Variants in MAP2K6 observed in about 807,000 individuals in gnomAD.
The protein encoded by MAP2K6 is mitogen-activated protein kinase kinase 6.
In MAP2K6, 16 loss-of-function variants were observed where a neutral mutation model predicts 53.7. The observed-to-expected ratio is 0.30, with a 90% CI of 0.20 to 0.45. MAP2K6 has a LOEUF of 0.45. Among genes scored for constraint, MAP2K6 ranks in the 20% least tolerant of loss-of-function variants. The pLI, the probability that MAP2K6 is intolerant of heterozygous loss-of-function variation, is 1.00. For missense variants in MAP2K6, 204 were observed against 411.9 expected, an observed-to-expected ratio of 0.50 and a Z score of 4.37; for synonymous variants, 132 against 143.1, an observed-to-expected ratio of 0.92 and a Z score of 0.55.
At chr17:69,492,500 G>T (rs373368727) in intron 1 of MAP2K6, among the ~76,000 whole-genome samples, 1 of 152,156 alleles carries the variant, frequency 6.6e-6, no homozygotes, top group South Asian at 2.1e-4. Flanking sequence ...ATTCTGTCCC[G>T]TTAAAACACC....
At chr17:69,525,880 C>G (rs528386671) in intron 9 of MAP2K6, among the ~76,000 whole-genome samples, 2 of 152,216 alleles carry the variant, frequency 1.3e-5, no homozygotes, top group African/African-American at 4.8e-5. Flanking sequence ...TCCTTAGACA[C>G]AGCCCTAAAG....
chr17:69,512,136 G>A (rs1909855543), intron 2 of MAP2K6, among the ~76,000 whole-genome samples: 1 of 151,866 alleles, frequency 6.6e-6, no homozygotes, highest in South Asian at 2.1e-4. Flanking sequence ...CTTCTCGGTG[G>A]AAGAACTGGC....
intron 1 of MAP2K6, among the ~76,000 whole-genome samples, chr17:69,455,252 G>A (rs987054378): frequency 6.6e-6 from 1 of 152,078 alleles, no homozygotes; most frequent in Non-Finnish European, 1.5e-5. Context: ...TGCAACAATA[G>A]GGATTTATTA....
intron 1 of MAP2K6, among the ~76,000 whole-genome samples, chr17:69,441,550 C>T (rs778469839): frequency 6.6e-6 from 1 of 152,260 alleles, no homozygotes; most frequent in East Asian, 1.9e-4. Context: ...TTCAAATGCT[C>T]GTTGATGGCT....
chr17:69,475,318 G>C (rs1199233112), intron 1 of MAP2K6, among the ~76,000 whole-genome samples: 2 of 149,612 alleles, frequency 1.3e-5, no homozygotes, highest in Non-Finnish European at 3.0e-5. Flanking sequence ...ACAGGCGCCC[G>C]CCAACACGCC....
intron 1 of MAP2K6, among the ~76,000 whole-genome samples, chr17:69,471,332 T>C (rs1907975132): frequency 1.3e-5 from 2 of 152,186 alleles, no homozygotes; most frequent in South Asian, 4.1e-4. Context: ...CATGGAATAC[T>C]ATACAGCCAC....
At chr17:69,526,009 C>T (rs1910750409) in intron 9 of MAP2K6, among the ~76,000 whole-genome samples, 1 of 152,130 alleles carries the variant, frequency 6.6e-6, no homozygotes, top group South Asian at 2.1e-4. Context: ...GGTCCTGGCT[C>T]CTCCCCAGGC....
rs374077753 is a variant in MAP2K6 at position 69,548,863 on chromosome 17, G to A, written c.*7110G>A. 20 of 152,266 alleles carry A rather than the reference G, an allele frequency of 1.3e-4. No individual in the cohort carries two copies. Among genetic ancestry groups the A allele is most frequent in the African/African-American group, 4.6e-4 (19 of 41,570 alleles). 9.4% of individuals were successfully genotyped at this position (152,266 alleles called of 1,614,324 possible). ...GCTTTAGTGGAAGGTAATCTTTTCA[G>A]TTTCTGACCCAGATTTCTTTTTCAA... On this transcript the variant is annotated 3_prime_UTR_variant, in exon 12 of 12. Transcript: ENST00000590474.
At position 69,425,039 on chromosome 17, in the gene MAP2K6, G is replaced by A. The variant is rs369045524; in HGVS notation, c.16+10039G>A. On this transcript the variant is annotated intron_variant, in intron 1 of 11. Transcript: ENST00000590474. ...CTTGTGTGTTTCCTTACACATCTAAGTTAAATTGTATTAAAACTAACAAGA... is the reference window on the plus strand; with the variant it reads ...CTTGTGTGTTTCCTTACACATCTAAATTAAATTGTATTAAAACTAACAAGA... 1.8e-4 allele frequency among the ~76,000 whole-genome samples: 28 copies of A among 152,228 alleles called. 1 individual carries two copies. The East Asian group carries it at 2.1e-3, about 12-fold the overall frequency.
intron 1 of MAP2K6, chr17:69,434,271 A>G (rs1906567153): frequency 6.6e-6 from 1 of 152,190 alleles, no homozygotes; most frequent in African/African-American, 2.4e-5. Flanking sequence ...TCCAACTTGC[A>G]CTTGCCTCTG....
intron 1 of MAP2K6, among the ~76,000 whole-genome samples, chr17:69,467,802 C>T (rs1198803554): frequency 6.6e-6 from 1 of 151,842 alleles, no homozygotes. Flanking sequence ...TAGAGTCTCA[C>T]TCTGTCACTC....
chr17:69,506,659 T>C (rs1909502089), intron 2 of MAP2K6, among the ~76,000 whole-genome samples: 2 of 152,206 alleles, frequency 1.3e-5, no homozygotes, highest in Admixed American at 6.5e-5. Context: ...GTTTTGATCT[T>C]AGCTATGATC....
chr17:69,459,769 A>T (rs1017356929), intron 1 of MAP2K6, among the ~76,000 whole-genome samples: 1 of 149,640 alleles, frequency 6.7e-6, no homozygotes, highest in Non-Finnish European at 1.5e-5. Flanking sequence ...AAATACATAG[A>T]TTGCAAGGTG....
intron 1 of MAP2K6, among the ~76,000 whole-genome samples, chr17:69,435,775 C>A (rs1906621256): frequency 6.6e-6 from 1 of 151,852 alleles, no homozygotes; most frequent in South Asian, 2.1e-4. Context: ...TCAAGTGATT[C>A]TCCCGCCTAA....
At chr17:69,515,691 A>G (rs1017852703) in intron 2 of MAP2K6, among the ~76,000 whole-genome samples, 19 of 152,240 alleles carry the variant, frequency 1.2e-4, no homozygotes, top group African/African-American at 3.4e-4. Context: ...TGCTGTGCAC[A>G]GAAGAAATAT....
At chr17:69,503,172 C>T (rs1460143192) in intron 1 of MAP2K6, among the ~76,000 whole-genome samples, 1 of 152,200 alleles carries the variant, frequency 6.6e-6, no homozygotes, top group Non-Finnish European at 1.5e-5. Context: ...AATTATCTGT[C>T]ACCTGCACTG....
intron 1 of MAP2K6, among the ~76,000 whole-genome samples, chr17:69,470,973 G>A (rs888944210): frequency 1.1e-4 from 16 of 152,174 alleles, no homozygotes; most frequent in African/African-American, 3.9e-4. Context: ...TAGGGGCAGA[G>A]GCCCTGGTGC....
intron 1 of MAP2K6, 98 bp downstream of exon 1, chr17:69,415,098 G>GT (rs1391123301): frequency 8.4e-7 from 1 of 1,187,782 alleles, no homozygotes. Flanking sequence ...GCATTTTTAA[G>GT]TTTGAGGTTT....
intron 1 of MAP2K6, among the ~76,000 whole-genome samples, chr17:69,446,193 G>T (rs1164161064): frequency 6.6e-6 from 1 of 152,170 alleles, no homozygotes; most frequent in East Asian, 1.9e-4. Flanking sequence ...CAGGATGGGG[G>T]AGGGTGGATC....
Sources: gnomAD v4.1 joint callset for allele counts (sites outside exome capture counted in the v4.1 genomes callset) on GRCh38, gnomAD v4.1.1 for gene constraint, MANE v1.5 for transcripts, NCBI Gene and HGNC (gene_info 2026-07-23, HGNC 2026-07-21) for gene names.